The following ARHGEF3 variants were observed in gnomAD, a reference collection of about 807,000 sequenced individuals.
ARHGEF3 encodes 59.8 kDA protein.
ARHGEF3 carries 28 observed loss-of-function variants against 63.2 expected under a neutral mutation model. The observed-to-expected ratio is 0.44, with a 90% CI of 0.33 to 0.61. ARHGEF3 has a LOEUF of 0.61. Ranked by LOEUF, ARHGEF3 falls within the 20% of genes least tolerant of loss-of-function variation. The pLI, the probability that ARHGEF3 is intolerant of heterozygous loss-of-function variation, is 0.03. For synonymous variants in ARHGEF3, 266 were observed against 254.2 expected (o/e 1.05, Z -0.44); for missense variants, 533 against 659.3 (o/e 0.81, Z 2.10).
intron 2 of ARHGEF3, among the ~76,000 whole-genome samples, chr3:56,967,154 C>T (rs9820281): frequency 0.043 from 6,233 of 146,104 alleles, 468 homozygotes; most frequent in African/African-American, 0.15. Context: ...TGAGCCACCG[C>T]GCCCAGCCTT....
chr3:56,794,223 C>A (rs1319732345), intron 1 of ARHGEF3, among the ~76,000 whole-genome samples: 1 of 152,100 alleles, frequency 6.6e-6, no homozygotes, highest in Non-Finnish European at 1.5e-5. Context: ...CATGGTGGCT[C>A]ACGCCTGTAA....
intron 2 of ARHGEF3, among the ~76,000 whole-genome samples, chr3:56,766,150 CT>C (rs538406411): frequency 5.5e-4 from 83 of 152,222 alleles, no homozygotes; most frequent in Non-Finnish European, 9.9e-4. Flanking sequence ...TCAAGTAGAA[CT>C]TTTACAATCT....
intron 4 of ARHGEF3, among the ~76,000 whole-genome samples, chr3:56,820,597 G>A (rs1053785724): frequency 6.6e-6 from 1 of 152,092 alleles, no homozygotes; most frequent in Non-Finnish European, 1.5e-5. Flanking sequence ...GAGCATAGGA[G>A]TTTGAGACCA....
In ARHGEF3 at chr3:56,755,135, C is replaced by T. The variant is rs764132102; in HGVS notation, c.221G>A (p.Arg74His). 2 of 1,613,620 alleles carry T rather than the reference C, an allele frequency of 1.2e-6. No homozygotes were observed. Among genetic ancestry groups the T allele is most frequent in the Non-Finnish European group, 1.7e-6 (2 of 1,180,002 alleles). The change falls in exon 3 of 10, where the codon CGC becomes CAC. Residue 74 changes from arginine (R) to histidine (H), a missense_variant. Transcript: ENST00000296315. ...SQTLQRSISF[R>H]SESRPDILAP... ...GAGGATGTCAGGGCGGCTCTCACTG[C>T]GGAAGCTAATGGAGCGCTAAACAAT... is the stretch of plus-strand genomic sequence containing the variant.
At chr3:57,003,623 G>A (rs571642453) in intron 2 of ARHGEF3, among the ~76,000 whole-genome samples, 33 of 152,142 alleles carry the variant, frequency 2.2e-4, no homozygotes, top group African/African-American at 7.9e-4. Flanking sequence ...ATGGCAGAAG[G>A]CATTTTGCAG....
chr3:56,824,524 C>T (rs762865587), intron 4 of ARHGEF3, among the ~76,000 whole-genome samples: 1 of 152,220 alleles, frequency 6.6e-6, no homozygotes, highest in African/African-American at 2.4e-5. Context: ...GGCTCTACTA[C>T]TTCTTTGAGG....
chr3:57,047,744 GA>G (rs1704516588), intron 1 of ARHGEF3, among the ~76,000 whole-genome samples: 1 of 152,198 alleles, frequency 6.6e-6, no homozygotes, highest in African/African-American at 2.4e-5. Flanking sequence ...CAATGCTGTC[GA>G]TTTTGGGAGC....
chr3:57,061,758 T>A (rs1386946942), intron 1 of ARHGEF3, among the ~76,000 whole-genome samples: 2 of 152,186 alleles, frequency 1.3e-5, no homozygotes, highest in African/African-American at 4.8e-5. Context: ...CAGTCTCTCA[T>A]CCTGTGTTAC....
At chr3:57,063,544 G>A (rs571459492) in intron 1 of ARHGEF3, among the ~76,000 whole-genome samples, 1 of 152,274 alleles carries the variant, frequency 6.6e-6, no homozygotes, top group Admixed American at 6.5e-5. Context: ...AGAGAAGAGA[G>A]ATACAAAAGT....
chr3:56,805,315 G>A (rs1010553886), upstream of ARHGEF3, among the ~76,000 whole-genome samples: 2 of 152,114 alleles, frequency 1.3e-5, no homozygotes, highest in Non-Finnish European at 2.9e-5. Context: ...GCTCACTGCA[G>A]CCTCAACCTC....
chr3:56,935,522 C>A (rs990863558), intron 3 of ARHGEF3, among the ~76,000 whole-genome samples: 2 of 152,182 alleles, frequency 1.3e-5, no homozygotes, highest in African/African-American at 4.8e-5. Flanking sequence ...CTTTTATGAG[C>A]TGTAACACTC....
chr3:56,856,554 C>G (rs994056274), intron 4 of ARHGEF3, among the ~76,000 whole-genome samples: 5 of 151,992 alleles, frequency 3.3e-5, no homozygotes, highest in Admixed American at 6.6e-5. Flanking sequence ...CCTTCCCCAC[C>G]ACCCACCATG....
At chr3:56,834,156 G>A (rs924705876) in intron 4 of ARHGEF3, among the ~76,000 whole-genome samples, 1 of 152,066 alleles carries the variant, frequency 6.6e-6, no homozygotes, top group Non-Finnish European at 1.5e-5. Context: ...GCCCGCCTCA[G>A]CCTCCCAAAA....
chr3:56,798,619 C>G (rs1035044266), intron 1 of ARHGEF3, among the ~76,000 whole-genome samples: 1 of 149,200 alleles, frequency 6.7e-6, no homozygotes, highest in Non-Finnish European at 1.5e-5. Context: ...AACTTACAAT[C>G]AGGATAATTC....
intron 4 of ARHGEF3, chr3:56,882,240 G>T: frequency 1.3e-6 from 2 of 1,495,354 alleles, no homozygotes; most frequent in Non-Finnish European, 1.8e-6. Flanking sequence ...AATAACCTTC[G>T]GAGAAGAGAG....
chr3:56,788,834 T>C (rs1212612208), intron 1 of ARHGEF3, among the ~76,000 whole-genome samples: 1 of 152,158 alleles, frequency 6.6e-6, no homozygotes, highest in Non-Finnish European at 1.5e-5. Flanking sequence ...TTTGTTATTC[T>C]ACCTGGCAGA....
At chr3:56,964,764 A>G (rs948508176) in intron 2 of ARHGEF3, among the ~76,000 whole-genome samples, 5 of 152,162 alleles carry the variant, frequency 3.3e-5, no homozygotes, top group African/African-American at 1.2e-4. Flanking sequence ...AGAGAAAATG[A>G]GGCCTCTCTG....
chr3:56,733,107 C>G (rs1377223861), intron 8 of ARHGEF3, among the ~76,000 whole-genome samples: 1 of 151,670 alleles, frequency 6.6e-6, no homozygotes, highest in Non-Finnish European at 1.5e-5. Context: ...CACAGTGAAA[C>G]CCTGTCTCTA....
At chr3:56,833,388 T>A (rs2038993700) in intron 4 of ARHGEF3, among the ~76,000 whole-genome samples, 1 of 152,234 alleles carries the variant, frequency 6.6e-6, no homozygotes, top group Non-Finnish European at 1.5e-5. Flanking sequence ...GCCATTTGTA[T>A]ATATTCTTTG....
Sources: allele counts gnomAD v4.1 joint callset (sites outside exome capture counted in the v4.1 genomes callset), GRCh38; gene constraint gnomAD v4.1.1; transcripts MANE v1.5; gene names NCBI Gene and HGNC (gene_info 2026-07-23, HGNC 2026-07-21).